DNAH7: variants seen among roughly 807,000 people sequenced by gnomAD.
DNAH7 encodes dynein axonemal heavy chain 7, also known as axonemal beta dynein heavy chain 7.
DNAH7 carries 397 observed loss-of-function variants against 444.6 expected under a neutral mutation model. The observed-to-expected ratio is 0.89, with a 90% confidence interval of 0.82 to 0.97. The LOEUF (loss-of-function observed/expected upper bound fraction) is 0.97, where lower values mean the gene tolerates loss of function less well. Ranked by LOEUF, DNAH7 falls within the 50% of genes least tolerant of loss-of-function variation. The pLI is 0.00. For missense variants in DNAH7, 4,902 were observed against 4,800.8 expected (o/e 1.02, Z -0.62); for synonymous variants, 1,636 against 1,624.4 (o/e 1.01, Z -0.17).
At chr2:195,744,747 T>A (rs1158093816) in intron 63 of DNAH7, among the ~76,000 whole-genome samples, 1 of 152,086 alleles carries the variant, frequency 6.6e-6, no homozygotes, top group Non-Finnish European at 1.5e-5. Context: ...GCAAACAGGG[T>A]CCGGAGTGGA....
At chr2:195,757,302 A>G (rs1559075462) in intron 61 of DNAH7, among the ~76,000 whole-genome samples, 1 of 152,230 alleles carries the variant, frequency 6.6e-6, no homozygotes, top group Non-Finnish European at 1.5e-5. Flanking sequence ...AAAATTACAT[A>G]AAATGCTTTG....
At chr2:195,907,451 C>T (rs73040672) in intron 25 of DNAH7, among the ~76,000 whole-genome samples, 1 of 152,056 alleles carries the variant, frequency 6.6e-6, no homozygotes, top group Non-Finnish European at 1.5e-5. Flanking sequence ...CCCTAGTTTG[C>T]GGTCCTAACC....
intron 24 of DNAH7, among the ~76,000 whole-genome samples, chr2:195,918,472 G>A (rs1687821706): frequency 6.6e-6 from 1 of 152,198 alleles, no homozygotes; most frequent in Non-Finnish European, 1.5e-5. Flanking sequence ...ACCTGCACAA[G>A]AATATTTGCA....
rs745636634 is a variant in DNAH7 at position 195,799,411 on chromosome 2, G to C, written c.10238C>G (p.Pro3413Arg). The C allele has an allele frequency of 6.2e-7, 1 of 1,610,214 alleles. No individual in the cohort carries two copies. Among genetic ancestry groups the C allele is most frequent in the Admixed American group, 1.7e-5 (1 of 59,468 alleles). The change falls in exon 55 of 65, where the codon CCC becomes CGC. Residue 3413 changes from proline to arginine, a missense_variant. Coordinates refer to ENST00000312428, the MANE Select transcript of DNAH7 (RefSeq NM_018897.3). ...AAATGCCTTGGCTAAATCAAAGGGG[G>C]GTGGTTCAATGAATGCACGTCCCAA... ...NRLGRAFIEP[P>R]PFDLAKAFGD...
intron 58 of DNAH7, among the ~76,000 whole-genome samples, chr2:195,781,470 G>A (rs969095897): frequency 4.6e-5 from 7 of 152,140 alleles, no homozygotes; most frequent in Non-Finnish European, 8.8e-5. Context: ...TTTTCCCCAG[G>A]GGTGGGTGGG....
chr2:195,834,409 A>G (rs1312800361), intron 47 of DNAH7, 49 bp from the exon 48 acceptor site: 2 of 1,550,346 alleles, frequency 1.3e-6, no homozygotes, highest in Admixed American at 1.8e-5. Context: ...ATTTGTTTCT[A>G]CACTACTTAA....
intron 10 of DNAH7, among the ~76,000 whole-genome samples, chr2:196,006,475 A>G (rs1468024667): frequency 6.6e-6 from 1 of 152,072 alleles, no homozygotes; most frequent in Admixed American, 6.6e-5. Flanking sequence ...AAAATCTAAC[A>G]CTACATGATA....
In DNAH7 at chr2:195,808,858, T is replaced by G. The variant is rs548833877; in HGVS notation, c.9907A>C (p.Arg3303=). The G allele has an allele frequency of 2.5e-6, 4 of 1,613,216 alleles. No individual in the cohort carries two copies. The African/African-American group carries it at 5.3e-5, about 22-fold the overall frequency. Residue 3303 remains arginine (R), a synonymous_variant, in exon 53 of 65, where the codon AGA becomes CGA. Transcript: ENST00000312428. ...CCAATGCCACCAGTTAGCAGAAATC[T>G]CCACTCAGCTTTATTAATCTTTGGA... The part of the protein sequence containing the change: ...HERAINKAEW[R]FLLTGGIGLD...
At chr2:195,741,053 T>G (rs980155144) in intron 63 of DNAH7, 184 bp from the exon 64 acceptor site, 2 of 296,872 alleles carry the variant, frequency 6.7e-6, no homozygotes, top group Non-Finnish European at 1.2e-5. Flanking sequence ...CATTGAAACT[T>G]TGCCTAGTGA....
In DNAH7 at chr2:195,864,878, C is replaced by A. The variant is rs1700233005; in HGVS notation, c.6777G>T (p.Met2259Ile). 1 of 1,613,874 alleles carries A rather than the reference C, an allele frequency of 6.2e-7. No homozygotes were observed. Among genetic ancestry groups the A allele is most frequent in the African/African-American group, 1.3e-5 (1 of 74,916 alleles). Residue 2259 changes from methionine to isoleucine, a missense_variant, in exon 41 of 65, where the codon ATG (methionine) becomes ATT (isoleucine). By Grantham distance (10) the Met-to-Ile change is conservative. Coordinates refer to ENST00000312428, the MANE Select transcript of DNAH7 (RefSeq NM_018897.3). ...AGCTGCGTAAGTCATCTGCTTCCAC[C>A]ATGCCATCATTATCAAAATCCAAAC... The part of the protein sequence containing the change: ...FQRLDFDNDG[M>I]VEADDLRSLM...
intron 57 of DNAH7, among the ~76,000 whole-genome samples, chr2:195,789,109 T>C (rs1695756657): frequency 6.6e-6 from 1 of 152,274 alleles, no homozygotes; most frequent in Non-Finnish European, 1.5e-5. Flanking sequence ...ACCATGAGCC[T>C]GGAACATCTT....
At chr2:196,014,994 C>T (rs1694928360) in intron 9 of DNAH7, among the ~76,000 whole-genome samples, 1 of 152,034 alleles carries the variant, frequency 6.6e-6, no homozygotes, top group Non-Finnish European at 1.5e-5. Context: ...GGCTTGTTTC[C>T]AGTCTCTTAT....
intron 28 of DNAH7, among the ~76,000 whole-genome samples, chr2:195,899,098 C>T (rs547304917): frequency 6.6e-6 from 1 of 152,316 alleles, no homozygotes; most frequent in East Asian, 1.9e-4. Context: ...CTCTGAAACT[C>T]GAGTTCCCCA....
intron 51 of DNAH7, among the ~76,000 whole-genome samples, chr2:195,813,338 T>C (rs1028966271): frequency 3.3e-5 from 5 of 152,204 alleles, no homozygotes; most frequent in Admixed American, 3.3e-4. Context: ...AGGTACTTCC[T>C]CCTCTCGTTG....
At chr2:195,745,924 G>C (rs1693372777) in intron 63 of DNAH7, among the ~76,000 whole-genome samples, 1 of 152,180 alleles carries the variant, frequency 6.6e-6, no homozygotes. Flanking sequence ...ATCAAGGCTA[G>C]GAAGAAACTG....
intron 5 of DNAH7, among the ~76,000 whole-genome samples, chr2:196,035,705 C>T (rs1440530540): frequency 6.6e-6 from 1 of 152,166 alleles, no homozygotes; most frequent in Non-Finnish European, 1.5e-5. Flanking sequence ...GAAAGTAGGG[C>T]AGTAGGCCAG....
chr2:195,996,397 C>A (rs1693697969), intron 12 of DNAH7, among the ~76,000 whole-genome samples: 2 of 151,862 alleles, frequency 1.3e-5, no homozygotes, highest in African/African-American at 4.8e-5. Flanking sequence ...GTAAATATGC[C>A]CACATGGTTT....
At chr2:195,985,426 G>C (rs1692841331) in intron 14 of DNAH7, among the ~76,000 whole-genome samples, 1 of 151,932 alleles carries the variant, frequency 6.6e-6, no homozygotes, top group South Asian at 2.1e-4. Flanking sequence ...ATATAGAAGG[G>C]ATAACTGAAG....
chr2:195,906,453 CTTTTTTT>C (rs397870111), intron 27 of DNAH7, among the ~76,000 whole-genome samples, 199 bp downstream of exon 27: 49 of 114,714 alleles, frequency 4.3e-4, no homozygotes, highest in Middle Eastern at 4.6e-3. Flanking sequence ...TTCTTTCTTT[CTTTTTTT>C]TTTTTTTTTT....
Sources: gnomAD v4.1 joint callset for allele counts (sites outside exome capture counted in the v4.1 genomes callset) on GRCh38, gnomAD v4.1.1 for gene constraint, MANE v1.5 for transcripts, NCBI Gene and HGNC (gene_info 2026-07-23, HGNC 2026-07-21) for gene names.